YLPM1: variants seen among roughly 807,000 people sequenced by gnomAD.
YLPM1 encodes YLP motif containing 1, also known as YLP motif-containing protein 1.
Under a neutral mutation model 230.0 loss-of-function variants are expected in YLPM1, and 99 were observed. The ratio of observed to expected loss-of-function variants is 0.43; its 90% CI spans 0.37 to 0.51. YLPM1 has a LOEUF of 0.51. Among genes scored for constraint, YLPM1 ranks in the 20% least tolerant of loss-of-function variants. The pLI is 0.00. For missense variants in YLPM1, 2,592 were observed against 2,707.7 expected (o/e 0.96, Z 0.95); for synonymous variants, 984 against 942.5 (o/e 1.04, Z -0.81).
rs1329627999 is a variant in YLPM1, at chr14:74,821,132, G to A, written c.6106G>A (p.Glu2036Lys). Residue 2036 changes from glutamate (E) to lysine (K), a missense_variant, in exon 17 of 21, where the codon GAA (glutamate) becomes AAA (lysine). Physicochemically the swap from Glu to Lys is moderately conservative, Grantham distance 56. This residue lies in a region of YLPM1 where 315 missense variants were observed against 429.3 expected (regional missense o/e 0.73). Transcript: ENST00000325680. ...EKKDAEEEES[E>K]LGYIPKSKWE... The stretch of plus-strand genomic sequence containing the variant: ...GAAAGATGCAGAGGAAGAGGAAAGC[G>A]AACTGGTAGGAGACAGACCAACCAC... 1 of 1,541,722 alleles carries A rather than the reference G, an allele frequency of 6.5e-7. No homozygotes were observed. The highest frequency in any genetic ancestry group is 8.7e-7 in the Non-Finnish European group (1 of 1,143,108).
chr14:74,821,337 G>A, intron 17 of YLPM1, 200 bp downstream of exon 17: 5 of 731,104 alleles, frequency 6.8e-6, no homozygotes, highest in East Asian at 3.3e-5. Context: ...GGTGTTAAGA[G>A]AAAGTTTTAA....
At chr14:74,793,927 T>C (rs191870802) in intron 4 of YLPM1, among the ~76,000 whole-genome samples, 1 of 152,352 alleles carries the variant, frequency 6.6e-6, no homozygotes, top group Admixed American at 6.5e-5. Context: ...TGACCTTCTC[T>C]GAGGTTCTCT....
Position 74,763,401 on chromosome 14 carries a change from TCCGGCTG to T in YLPM1, c.-88_-82del, listed in dbSNP as rs983348517. 1.2e-5 allele frequency: 16 copies of T among 1,374,772 alleles called. No homozygotes were observed. Among genetic ancestry groups the T allele is most frequent in the Non-Finnish European group, 1.4e-5 (15 of 1,056,656 alleles). 85.2% of individuals were successfully genotyped at this position (1,374,772 alleles called of 1,614,324 possible). The stretch of plus-strand genomic sequence containing the variant: ...TCCGGGGCCTGTAGGCGCCGCGAGT[TCCGGCTG>T]TCGCCGTCGCCGCCGCGGCTCCTGG... On this transcript the variant is annotated 5_prime_UTR_variant, in exon 1 of 21. Coordinates refer to ENST00000325680, the MANE Select transcript of YLPM1 (RefSeq NM_019589.3).
chr14:74,801,327 T>C (rs1289472361), intron 5 of YLPM1, among the ~76,000 whole-genome samples: 1 of 152,150 alleles, frequency 6.6e-6, no homozygotes, highest in Admixed American at 6.5e-5. Context: ...CAGTAAATAA[T>C]CTTACACACT....
chr14:74,816,606 A>T lies in YLPM1; in HGVS notation c.5601A>T (p.Arg1867Ser), dbSNP rs556084920. The T allele has an allele frequency of 6.2e-7, 1 of 1,613,618 alleles. No individual in the cohort carries two copies. Among genetic ancestry groups the T allele is most frequent in the Non-Finnish European group, 8.5e-7 (1 of 1,179,770 alleles). Residue 1867 changes from arginine to serine, a missense_variant, in exon 13 of 21, where the codon AGA (arginine) becomes AGT (serine). Transcript: ENST00000325680. ...KEVEFGGPAP[R>S]VLSLDDYFIT... ...TAGAATTTGGAGGACCTGCACCCAGAGTTCTAAGCCTGGATGATTACTTCA... is the reference window on the plus strand; with the variant it reads ...TAGAATTTGGAGGACCTGCACCCAGTGTTCTAAGCCTGGATGATTACTTCA...
intron 3 of YLPM1, 115 bp downstream of exon 3, chr14:74,780,699 GT>G: frequency 6.8e-7 from 1 of 1,463,858 alleles, no homozygotes; most frequent in Non-Finnish European, 9.0e-7. Context: ...ACAATTAGTT[GT>G]TTCCCAAGGG....
At chr14:74,773,114 C>T (rs868375191) in intron 1 of YLPM1, among the ~76,000 whole-genome samples, 1 of 152,046 alleles carries the variant, frequency 6.6e-6, no homozygotes, top group Non-Finnish European at 1.5e-5. Context: ...GGTGAAACCC[C>T]GTCTCTACTA....
chr14:74,816,224 T>C lies in YLPM1; in HGVS notation c.5524T>C (p.Leu1842=), dbSNP rs2091477305. ...PERIVVIMRG[L]PGSGKTHVAK... is the part of the protein sequence containing the mutation. ...TCAGATTGTTGTTATAATGAGAGGA[T>C]TACCTGGCAGTGGAAAGACACATGT... is the stretch of plus-strand genomic sequence containing the variant. Residue 1842 remains leucine (L), a synonymous_variant, in exon 12 of 21, where the codon TTA becomes CTA. Transcript: ENST00000325680. 1 of 1,611,012 alleles carries C rather than the reference T, an allele frequency of 6.2e-7. No homozygotes were observed. The highest frequency in any genetic ancestry group is 8.5e-7 in the Non-Finnish European group (1 of 1,178,682).
At chr14:74,825,960 T>C (rs2091558370) in intron 18 of YLPM1, among the ~76,000 whole-genome samples, 1 of 152,188 alleles carries the variant, frequency 6.6e-6, no homozygotes, top group South Asian at 2.1e-4. Context: ...TTCTGGCCCG[T>C]CTACCATTTG....
chr14:74,805,023 CTTTTTTT>C (rs369306225), intron 6 of YLPM1, among the ~76,000 whole-genome samples: 1 of 139,098 alleles, frequency 7.2e-6, no homozygotes, highest in Non-Finnish European at 1.6e-5. Flanking sequence ...TTCTTTTTTC[CTTTTTTT>C]TTTTTTTGAA....
intron 19 of YLPM1, 72 bp from the exon 20 acceptor site, chr14:74,835,193 G>C: frequency 1.9e-6 from 3 of 1,576,168 alleles, no homozygotes; most frequent in Non-Finnish European, 2.6e-6. Flanking sequence ...CCCTTAGACT[G>C]TCCAGAGAGG....
Position 74,763,447 on chromosome 14 carries a change from C to T in YLPM1, c.-43C>T. ...CGCGGCTCCTGGAGGTCGGTTGCGA[C>T]GAGTAACGGCGCCAGGACGAGCCCT... On this transcript the variant is annotated 5_prime_UTR_variant, in exon 1 of 21. In the 5' UTR this introduces an upstream ATG that the reference lacks. Coordinates refer to ENST00000325680, the MANE Select transcript of YLPM1 (RefSeq NM_019589.3). The T allele has an allele frequency of 7.3e-7, 1 of 1,374,814 alleles. No individual in the cohort carries two copies. The highest frequency in any genetic ancestry group is 9.5e-7 in the Non-Finnish European group (1 of 1,056,214). 85.2% of individuals were successfully genotyped at this position (1,374,814 alleles called of 1,614,324 possible). A position where few individuals can be genotyped will look rare whatever the true frequency, so the allele number is the denominator to read the frequency against.
Position 74,821,155 on chromosome 14 carries a change from C to A in YLPM1, c.6111+18C>A. On this transcript the variant is annotated intron_variant, in intron 17 of 20. Coordinates refer to ENST00000325680, the MANE Select transcript of YLPM1 (RefSeq NM_019589.3). The stretch of plus-strand genomic sequence containing the variant: ...GCGAACTGGTAGGAGACAGACCAAC[C>A]ACTTTGAACAGTGTCTCTTTATTAA... 6.5e-7 allele frequency: 1 copy of A among 1,529,982 alleles called. No individual in the cohort carries two copies. Among genetic ancestry groups the A allele is most frequent in the Non-Finnish European group, 8.8e-7 (1 of 1,138,082 alleles). 94.8% of individuals were successfully genotyped at this position (1,529,982 alleles called of 1,614,324 possible).
chr14:74,779,489 C>T (rs1456488598), intron 2 of YLPM1, among the ~76,000 whole-genome samples: 3 of 152,214 alleles, frequency 2.0e-5, no homozygotes, highest in East Asian at 1.9e-4. Flanking sequence ...ATGGGAGGTT[C>T]TCATATTGGT....
rs765687237 is a variant in YLPM1 at position 74,810,299 on chromosome 14, A to G, written c.5107A>G (p.Ile1703Val). 2.9e-5 allele frequency: 47 copies of G among 1,613,978 alleles called. No homozygotes were observed. Among genetic ancestry groups the G allele is most frequent in the Non-Finnish European group, 3.8e-5 (45 of 1,179,884 alleles). ...EPYFDRQSNV[I>V]ADHRDFKRDR... ...TTATTTTGATCGTCAAAGTAATGTCATAGCAGATCATCGAGATTTTAAAAG... is the reference window on the plus strand; with the variant it reads ...TTATTTTGATCGTCAAAGTAATGTCGTAGCAGATCATCGAGATTTTAAAAG... The change falls in exon 9 of 21, where the codon ATA (isoleucine) becomes GTA (valine). Residue 1703 changes from isoleucine (I) to valine (V), a missense_variant. By Grantham distance (29) the Ile-to-Val change is conservative. Transcript: ENST00000325680.
intron 4 of YLPM1, among the ~76,000 whole-genome samples, chr14:74,791,282 A>C (rs2091204121): frequency 6.6e-6 from 1 of 152,166 alleles, no homozygotes; most frequent in South Asian, 2.1e-4. Context: ...AAGGACAAAA[A>C]AAAATCAAAT....
chr14:74,769,093 TGAGATG>T (rs2090944622), intron 1 of YLPM1, among the ~76,000 whole-genome samples: 1 of 151,098 alleles, frequency 6.6e-6, no homozygotes, highest in African/African-American at 2.4e-5. Flanking sequence ...TTTATTTTTT[TGAGATG>T]GAGTCTCGCT....
chr14:74,813,872 C>G (rs777684175), intron 11 of YLPM1, among the ~76,000 whole-genome samples: 26 of 152,056 alleles, frequency 1.7e-4, no homozygotes, highest in Non-Finnish European at 1.6e-4. Context: ...TTAGTTGATT[C>G]TTAAGGTTTT....
At chr14:74,818,103 T>C in intron 15 of YLPM1, 128 bp from the exon 16 acceptor site, 1 of 386,072 alleles carries the variant, frequency 2.6e-6, no homozygotes, top group Non-Finnish European at 4.2e-6. Flanking sequence ...ATTAAATTAA[T>C]ATTTAACAAA....
Sources: gnomAD v4.1 joint callset for allele counts (sites outside exome capture counted in the v4.1 genomes callset) on GRCh38, gnomAD v4.1.1 for gene constraint, gnomAD v4.1.1 regional missense constraint, MANE v1.5 for transcripts, NCBI Gene and HGNC (gene_info 2026-07-23, HGNC 2026-07-21) for gene names.